Variants in IGF1R observed in about 807,000 individuals in gnomAD.
IGF1R encodes the protein insulin like growth factor 1 receptor, also known as insulin-like growth factor 1 receptor.
IGF1R carries 44 observed loss-of-function variants against 144.6 expected under a neutral mutation model. That is an observed-to-expected ratio of 0.30 (90% CI 0.24 to 0.39). The LOEUF (loss-of-function observed/expected upper bound fraction) is 0.39, where lower values mean the gene tolerates loss of function less well. Ranked by LOEUF, IGF1R falls within the 10% of genes least tolerant of loss-of-function variation. IGF1R has a pLI of 1.00. For synonymous variants in IGF1R, 795 were observed against 722.8 expected, an observed-to-expected ratio of 1.10 and a Z score of -1.60; for missense variants, 1,355 against 1,833.7, an observed-to-expected ratio of 0.74 and a Z score of 4.77.
intron 18 of IGF1R, 127 bp from the exon 19 acceptor site, chr15:98,942,796 C>T (rs1185984242): frequency 1.5e-5 from 19 of 1,257,468 alleles, no homozygotes; most frequent in South Asian, 3.7e-5. Flanking sequence ...TATTTGGCCA[C>T]CTTAAAGTGG....
At chr15:98,875,106 C>T (rs1329937008) in intron 2 of IGF1R, among the ~76,000 whole-genome samples, 1 of 152,174 alleles carries the variant, frequency 6.6e-6, no homozygotes, top group Non-Finnish European at 1.5e-5. Context: ...GCCCTCTGGC[C>T]TGCCCAGGTC....
intron 2 of IGF1R, among the ~76,000 whole-genome samples, chr15:98,859,747 T>C (rs1196070700): frequency 6.6e-6 from 1 of 152,206 alleles, no homozygotes; most frequent in African/African-American, 2.4e-5. Flanking sequence ...GATTTAGTTA[T>C]AAGATGTCCT....
rs892813094 is a variant in IGF1R, at chr15:98,778,177, G to A, written c.640+70070G>A. On this transcript the variant is annotated intron_variant, in intron 2 of 20. Transcript: ENST00000650285. ...CGGCGATGTATCCCCAAGGGCAACT[G>A]AAGCCTTCACAGAAGATGCAAAGCC... 9.2e-5 allele frequency among the ~76,000 whole-genome samples: 14 copies of A among 152,156 alleles called. 1 individual carries two copies. Among genetic ancestry groups the A allele is most frequent in the Admixed American group, 9.2e-4 (14 of 15,274 alleles).
chr15:98,844,917 A>G (rs913219134), intron 2 of IGF1R, among the ~76,000 whole-genome samples: 1 of 152,128 alleles, frequency 6.6e-6, no homozygotes, highest in Non-Finnish European at 1.5e-5. Context: ...TTACATTTGC[A>G]TTGTTTAAAA....
chr15:98,885,042 G>A (rs2013570981), intron 2 of IGF1R, among the ~76,000 whole-genome samples: 1 of 152,110 alleles, frequency 6.6e-6, no homozygotes, highest in Non-Finnish European at 1.5e-5. Context: ...GGCTCTGCCA[G>A]CATCCCTATG....
intron 1 of IGF1R, among the ~76,000 whole-genome samples, chr15:98,659,386 G>A (rs1013402026): frequency 6.6e-6 from 1 of 152,008 alleles, no homozygotes; most frequent in Non-Finnish European, 1.5e-5. Flanking sequence ...TGCCCATCTC[G>A]CCTATGCATA....
At chr15:98,920,745 A>G (rs569572543) in intron 10 of IGF1R, among the ~76,000 whole-genome samples, 1 of 152,132 alleles carries the variant, frequency 6.6e-6, no homozygotes, top group East Asian at 1.9e-4. Flanking sequence ...TGTTGGAACG[A>G]GCATATCTGT....
chr15:98,710,668 C>CTTT (rs34054503), intron 2 of IGF1R, among the ~76,000 whole-genome samples: 5 of 140,128 alleles, frequency 3.6e-5, no homozygotes, highest in Admixed American at 7.2e-5. Context: ...CCTTTTTATT[C>CTTT]TTTTTTTTTT....
chr15:98,955,168 T>C (rs1045118868), intron 20 of IGF1R, among the ~76,000 whole-genome samples: 1 of 152,200 alleles, frequency 6.6e-6, no homozygotes, highest in African/African-American at 2.4e-5. Context: ...ACTTCAGCAG[T>C]TCACACACAT....
At chr15:98,833,747 TAAAAAC>T (rs1336135698) in intron 2 of IGF1R, among the ~76,000 whole-genome samples, 4 of 152,190 alleles carry the variant, frequency 2.6e-5, no homozygotes, top group African/African-American at 9.7e-5. Context: ...TTTTCCAGGT[TAAAAAC>T]AAAAAAGAAA....
In IGF1R at chr15:98,954,690, T is replaced by A. The variant is rs558562756; in HGVS notation, c.3723-2371T>A. ...CAGAGCCAAGCACATCTCATGCTCT[T>A]GGCCCAGTTACGCTTCTGCCCAGGG... On this transcript the variant is annotated intron_variant, in intron 20 of 20. Coordinates refer to ENST00000650285, the MANE Select transcript of IGF1R (RefSeq NM_000875.5). Among the ~76,000 whole-genome samples, 3 of 152,336 alleles carry A rather than the reference T, an allele frequency of 2.0e-5. No homozygotes were observed. In the South Asian group the frequency reaches 6.2e-4, roughly 32 times the overall value.
At chr15:98,798,354 G>A (rs2056293299) in intron 2 of IGF1R, among the ~76,000 whole-genome samples, 1 of 152,206 alleles carries the variant, frequency 6.6e-6, no homozygotes, top group South Asian at 2.1e-4. Context: ...TCTTGGTGGG[G>A]GATGGGGTAA....
rs376068692 is a variant in IGF1R at position 98,896,917 on chromosome 15, A to G, written c.1102+12A>G. On this transcript the variant is annotated intron_variant, in intron 4 of 20. Transcript: ENST00000650285. ...CATCCGACGGGGGAGTAAGTATTCC[A>G]TCCCCCTGGAAAAACGGCTAGATCT... is the stretch of plus-strand genomic sequence containing the variant. 4 of 1,613,536 alleles carry G rather than the reference A, an allele frequency of 2.5e-6. No homozygotes were observed. Among genetic ancestry groups the G allele is most frequent in the South Asian group, 1.1e-5 (1 of 91,076 alleles).
intron 4 of IGF1R, among the ~76,000 whole-genome samples, chr15:98,898,133 C>A (rs547225801): frequency 2.6e-4 from 39 of 152,328 alleles, no homozygotes; most frequent in African/African-American, 8.4e-4. Flanking sequence ...TAACTCTGTT[C>A]CCCACAACTA....
chr15:98,840,020 A>T (rs780047836), intron 2 of IGF1R, among the ~76,000 whole-genome samples: 1 of 152,254 alleles, frequency 6.6e-6, no homozygotes, highest in Non-Finnish European at 1.5e-5. Flanking sequence ...TGTCTTCTGA[A>T]CACGCAGTTG....
intron 20 of IGF1R, among the ~76,000 whole-genome samples, chr15:98,953,421 C>CTTT (rs2016854866): frequency 2.0e-5 from 3 of 152,090 alleles, no homozygotes; most frequent in Non-Finnish European, 4.4e-5. Flanking sequence ...TGACAAAGCC[C>CTTT]GTCCTCAGCC....
chr15:98,787,530 T>C (rs2056026953), intron 2 of IGF1R, among the ~76,000 whole-genome samples: 2 of 152,144 alleles, frequency 1.3e-5, no homozygotes, highest in Admixed American at 1.3e-4. Context: ...TCAAGAAATG[T>C]TGGACCTTTG....
At chr15:98,671,050 G>A (rs948121118) in intron 1 of IGF1R, among the ~76,000 whole-genome samples, 11 of 152,210 alleles carry the variant, frequency 7.2e-5, no homozygotes, top group African/African-American at 2.4e-4. Flanking sequence ...AGACTCCTGT[G>A]TGCGGGCATT....
At position 98,891,297 on chromosome 15, in the gene IGF1R, C is replaced by A; in HGVS notation, c.641-28C>A. 1 of 1,601,142 alleles carries A rather than the reference C, an allele frequency of 6.2e-7. No individual in the cohort carries two copies. The highest frequency in any genetic ancestry group is 1.1e-5 in the South Asian group (1 of 90,678). ...AGGCGGTGCCTCCCCTGCCCGGTCT[C>A]ATCTCCGTCTCTCCTCTCTCTCCAC... On this transcript the variant is annotated intron_variant, in intron 2 of 20. Coordinates refer to ENST00000650285, the MANE Select transcript of IGF1R (RefSeq NM_000875.5). This position sits in a 1 kb window ranked among gnomAD's most constrained non-coding sequence, Gnocchi z 4.7.
Sources: gnomAD v4.1 joint callset for allele counts (sites outside exome capture counted in the v4.1 genomes callset) on GRCh38, gnomAD v4.1.1 for gene constraint, Gnocchi (gnomAD v3.1) non-coding constraint, MANE v1.5 for transcripts, NCBI Gene and HGNC (gene_info 2026-07-23, HGNC 2026-07-21) for gene names.